The following FTO variants were observed in gnomAD, a reference collection of about 807,000 sequenced individuals.
FTO encodes FTO alpha-ketoglutarate dependent dioxygenase.
FTO carries 47 observed loss-of-function variants against 63.9 expected under a neutral mutation model. That is an observed-to-expected ratio of 0.74 (90% CI 0.58 to 0.94). The LOEUF is 0.94. FTO is among the 40% of genes least tolerant of loss of function. The pLI, the probability that FTO is intolerant of heterozygous loss-of-function variation, is 0.00. For missense variants in FTO, 562 were observed against 618.1 expected (o/e 0.91, Z 0.96); for synonymous variants, 207 against 224.4 (o/e 0.92, Z 0.69).
intron 1 of FTO, among the ~76,000 whole-genome samples, chr16:53,781,998 T>C (rs2077600363): frequency 6.6e-6 from 1 of 152,158 alleles, no homozygotes; most frequent in Non-Finnish European, 1.5e-5. Context: ...TTGTCTAAAG[T>C]GTCTTATGTA....
At chr16:53,832,277 A>G (rs757795026) in intron 3 of FTO, among the ~76,000 whole-genome samples, 1 of 152,232 alleles carries the variant, frequency 6.6e-6, no homozygotes. Flanking sequence ...TAAGCTATAC[A>G]TATTGAACAT....
chr16:53,786,563 A>C (rs1243797973), intron 1 of FTO, among the ~76,000 whole-genome samples: 2 of 152,258 alleles, frequency 1.3e-5, no homozygotes, highest in African/African-American at 2.4e-5. Flanking sequence ...TCAGTTATGC[A>C]TTTAGAATGT....
chr16:53,977,727 C>A (rs1257023984), intron 8 of FTO, among the ~76,000 whole-genome samples: 2 of 152,130 alleles, frequency 1.3e-5, no homozygotes, highest in Non-Finnish European at 2.9e-5. Flanking sequence ...ATTTCTTTGA[C>A]ATCTTTATGA....
chr16:53,760,562 G>C (rs537692149), intron 1 of FTO, among the ~76,000 whole-genome samples: 2 of 148,898 alleles, frequency 1.3e-5, no homozygotes, highest in East Asian at 4.1e-4. Context: ...TTCAGGTTTT[G>C]CTGTTACATT....
intron 8 of FTO, among the ~76,000 whole-genome samples, chr16:53,948,397 A>G (rs1257425074): frequency 6.6e-6 from 1 of 152,264 alleles, no homozygotes; most frequent in Non-Finnish European, 1.5e-5. Context: ...CATGGTAATC[A>G]TGTATGTAGA....
At chr16:53,864,438 G>A (rs2080253087) in intron 4 of FTO, among the ~76,000 whole-genome samples, 1 of 152,150 alleles carries the variant, frequency 6.6e-6, no homozygotes, top group Non-Finnish European at 1.5e-5. Context: ...TTAAAACCAG[G>A]AAAGTCGTGA....
intron 8 of FTO, among the ~76,000 whole-genome samples, chr16:53,972,857 C>T (rs765503266): frequency 1.8e-4 from 27 of 152,292 alleles, no homozygotes; most frequent in Non-Finnish European, 3.4e-4. Flanking sequence ...AGTAGAGATA[C>T]CATTGTCTGA....
At position 53,879,984 on chromosome 16, in the gene FTO, T is replaced by C; in HGVS notation, c.1116T>C (p.Asn372=). ...TGAAACAAGGAGAAGAAATTCATAA[T>C]GAGGTAAGGACTTTCTTTTTTTTTT... ...AVLKQGEEIH[N]EVEFEWLRQF... is the part of the protein sequence containing the mutation. The change falls in exon 6 of 9, where the codon AAT becomes AAC. Residue 372 remains asparagine (N), a synonymous_variant. Coordinates refer to ENST00000471389, the MANE Select transcript of FTO (RefSeq NM_001080432.3). 6.2e-7 allele frequency: 1 copy of C among 1,612,448 alleles called. No homozygotes were observed. The highest frequency in any genetic ancestry group is 1.6e-4 in the Middle Eastern group (1 of 6,062).
In FTO at chr16:53,906,377, C is replaced by T. The variant is rs183311888; in HGVS notation, c.1239+17426C>T. Among the ~76,000 whole-genome samples, 64 of 152,270 alleles carry T rather than the reference C, an allele frequency of 4.2e-4. 1 individual carries two copies. Among genetic ancestry groups the T allele is most frequent in the Admixed American group, 2.5e-3 (38 of 15,304 alleles). ...TCTCACCAAGTTAGATTTGATTGAA[C>T]GGACGAATATATGAACAGATTAGCG... On this transcript the variant is annotated intron_variant, in intron 7 of 8. Coordinates refer to ENST00000471389, the MANE Select transcript of FTO (RefSeq NM_001080432.3).
At chr16:53,943,829 G>A (rs946242599) in intron 8 of FTO, among the ~76,000 whole-genome samples, 2 of 152,178 alleles carry the variant, frequency 1.3e-5, no homozygotes, top group African/African-American at 2.4e-5. Context: ...GGAAGTAGCC[G>A]TGGGATGCCA....
intron 8 of FTO, among the ~76,000 whole-genome samples, chr16:53,994,908 A>AT (rs2083900139): frequency 6.6e-6 from 1 of 151,756 alleles, no homozygotes; most frequent in Non-Finnish European, 1.5e-5. Flanking sequence ...TAATTTTTGT[A>AT]TTTTTTGGTA....
chr16:53,961,440 GT>G (rs1029874259), intron 8 of FTO, among the ~76,000 whole-genome samples: 1 of 152,170 alleles, frequency 6.6e-6, no homozygotes, highest in African/African-American at 2.4e-5. Flanking sequence ...TGCACCTGAA[GT>G]TTTTCTTTAT....
intron 8 of FTO, among the ~76,000 whole-genome samples, chr16:54,080,348 C>T (rs1469104032): frequency 6.6e-6 from 1 of 152,174 alleles, no homozygotes; most frequent in Non-Finnish European, 1.5e-5. Flanking sequence ...TAATAGTTGT[C>T]ATTGGGCTAG....
chr16:53,947,590 T>C (rs2082680799), intron 8 of FTO, among the ~76,000 whole-genome samples: 1 of 152,154 alleles, frequency 6.6e-6, no homozygotes, highest in Non-Finnish European at 1.5e-5. Flanking sequence ...TGATTTTTCA[T>C]ATAATCTGAT....
At chr16:53,817,415 A>G (rs1267000064) in intron 2 of FTO, among the ~76,000 whole-genome samples, 1 of 152,202 alleles carries the variant, frequency 6.6e-6, no homozygotes, top group Non-Finnish European at 1.5e-5. Context: ...AACAAAAATT[A>G]TATAGAAAAT....
At chr16:53,852,439 GT>G (rs772768869) in intron 4 of FTO, among the ~76,000 whole-genome samples, 2 of 152,080 alleles carry the variant, frequency 1.3e-5, no homozygotes, top group African/African-American at 2.4e-5. Context: ...GAATTTTAGT[GT>G]GTAATGTGGG....
At chr16:54,028,639 A>G (rs1253577233) in intron 8 of FTO, among the ~76,000 whole-genome samples, 1 of 152,244 alleles carries the variant, frequency 6.6e-6, no homozygotes, top group Non-Finnish European at 1.5e-5. Flanking sequence ...GAAGTAATTT[A>G]TAGCATATCT....
At chr16:53,761,142 T>C (rs1195997017) in intron 1 of FTO, among the ~76,000 whole-genome samples, 9 of 151,624 alleles carry the variant, frequency 5.9e-5, no homozygotes. Context: ...TGTTGCCCAG[T>C]CTGGTGTGCA....
intron 8 of FTO, among the ~76,000 whole-genome samples, chr16:54,028,647 T>C (rs1307243951): frequency 1.3e-5 from 2 of 152,240 alleles, no homozygotes; most frequent in African/African-American, 4.8e-5. Context: ...TTATAGCATA[T>C]CTTGCACATT....
Sources: gnomAD v4.1 joint callset for allele counts (sites outside exome capture counted in the v4.1 genomes callset) on GRCh38, gnomAD v4.1.1 for gene constraint, MANE v1.5 for transcripts, NCBI Gene and HGNC (gene_info 2026-07-23, HGNC 2026-07-21) for gene names.